ST6GAL1: variants seen among roughly 807,000 people sequenced by gnomAD.
ST6GAL1 encodes the protein ST6 beta-galactoside alpha-2,6-sialyltransferase 1.
Under a neutral mutation model 38.0 loss-of-function variants are expected in ST6GAL1, and 20 were observed. The ratio of observed to expected loss-of-function variants is 0.53; its 90% confidence interval spans 0.37 to 0.77. ST6GAL1 has a LOEUF of 0.77. ST6GAL1 is among the 30% of genes least tolerant of loss of function. The pLI is 0.00. For missense variants in ST6GAL1, 432 were observed against 496.4 expected (o/e 0.87, Z 1.23); for synonymous variants, 196 against 188.2 (o/e 1.04, Z -0.34).
chr3:187,058,160 G>A (rs257102), intron 5 of ST6GAL1, among the ~76,000 whole-genome samples: 122,567 of 152,134 alleles, frequency 0.81, 49,514 homozygotes, highest in East Asian at 0.85. Context: ...AAAGCGCAGT[G>A]TTTGGGCGGG....
intron 2 of ST6GAL1, among the ~76,000 whole-genome samples, chr3:187,031,355 GTT>G (rs1717743985): frequency 1.3e-5 from 2 of 152,148 alleles, no homozygotes; most frequent in Admixed American, 1.3e-4. Flanking sequence ...CCCTGTCTCA[GTT>G]TCCCTGTTTG....
chr3:186,975,610 T>A (rs1391273544), intron 2 of ST6GAL1, among the ~76,000 whole-genome samples: 1 of 152,226 alleles, frequency 6.6e-6, no homozygotes. Context: ...TTCCATGGCC[T>A]CTTTGTACTC....
At position 187,066,607 on chromosome 3, in the gene ST6GAL1, T is replaced by C. The variant is rs947994459; in HGVS notation, c.706-6242T>C. On this transcript the variant is annotated intron_variant, in intron 5 of 7. Coordinates refer to ENST00000169298, the MANE Select transcript of ST6GAL1 (RefSeq NM_173216.2). ...CTGAAGATGTGCGTGCGTGCGTGTG[T>C]GTGTGTGTGTGTGTGTGTGTGTGTT... Among the ~76,000 whole-genome samples, 259 of 146,374 alleles carry C rather than the reference T, an allele frequency of 1.8e-3. 2 individuals carry two copies. The highest frequency in any genetic ancestry group is 6.5e-3 in the African/African-American group (242 of 37,322).
chr3:187,075,825 C>T lies in ST6GAL1; in HGVS notation c.*22C>T. Reference sequence around the variant, plus strand: ...CTAAGCACAGGCTCCTCACTCTTCTCCATCAGGCATTAAATGAATGGTCTC... The same window carrying T: ...CTAAGCACAGGCTCCTCACTCTTCTTCATCAGGCATTAAATGAATGGTCTC... On this transcript the variant is annotated 3_prime_UTR_variant, in exon 8 of 8. Transcript: ENST00000169298. This position sits in a 1 kb window ranked among gnomAD's most constrained non-coding sequence, Gnocchi z 4.1. 2 of 1,612,128 alleles carry T rather than the reference C, an allele frequency of 1.2e-6. No individual in the cohort carries two copies. Among genetic ancestry groups the T allele is most frequent in the Non-Finnish European group, 1.7e-6 (2 of 1,178,454 alleles).
chr3:186,962,314 C>G (rs1040908920), intron 1 of ST6GAL1, among the ~76,000 whole-genome samples: 4 of 152,208 alleles, frequency 2.6e-5, no homozygotes, highest in African/African-American at 9.6e-5. Flanking sequence ...ACGGGTTTCT[C>G]TTTCTCTCCT....
At chr3:187,038,524 C>T (rs1718017981) in intron 2 of ST6GAL1, 1 of 152,270 alleles carries the variant, frequency 6.6e-6, no homozygotes, top group East Asian at 1.9e-4. Flanking sequence ...AGTGTCAAGT[C>T]TATTTCTAGG....
chr3:186,970,381 A>ATT (rs34837598), intron 2 of ST6GAL1, among the ~76,000 whole-genome samples: 1 of 141,792 alleles, frequency 7.1e-6, no homozygotes. Context: ...CGCCCGGCAA[A>ATT]TTTTTTTTTT....
At chr3:187,045,553 T>TGTGAGGTTTCAGG (rs1375089048) in intron 4 of ST6GAL1, among the ~76,000 whole-genome samples, 2 of 152,206 alleles carry the variant, frequency 1.3e-5, no homozygotes, top group African/African-American at 4.8e-5. Flanking sequence ...CTTTTCATCC[T>TGTGAGGTTTCAGG]CCCAGAAGTC....
At chr3:187,012,957 A>C (rs970279497) in intron 2 of ST6GAL1, among the ~76,000 whole-genome samples, 3 of 152,156 alleles carry the variant, frequency 2.0e-5, no homozygotes, top group Non-Finnish European at 4.4e-5. Context: ...AATGAAAGCA[A>C]ATCTTCTCCA....
At chr3:187,068,170 A>G (rs986309483) in intron 5 of ST6GAL1, among the ~76,000 whole-genome samples, 1 of 151,980 alleles carries the variant, frequency 6.6e-6, no homozygotes, top group African/African-American at 2.4e-5. Flanking sequence ...GTGAAACCCC[A>G]TCTCTACTAA....
chr3:187,033,133 G>T (rs1310874844), intron 2 of ST6GAL1, among the ~76,000 whole-genome samples: 1 of 152,214 alleles, frequency 6.6e-6, no homozygotes, highest in East Asian at 1.9e-4. Context: ...AAGGAAGTTG[G>T]CTAGGCGTGG....
At chr3:187,073,760 A>C (rs910426943) in intron 6 of ST6GAL1, 5 of 158,410 alleles carry the variant, frequency 3.2e-5, no homozygotes, top group Non-Finnish European at 5.5e-5. Context: ...TTAGAACTCA[A>C]ATTTGCCTAG....
At chr3:187,029,088 T>TAAA (rs56166685) in intron 2 of ST6GAL1, among the ~76,000 whole-genome samples, 1 of 105,968 alleles carries the variant, frequency 9.4e-6, no homozygotes, top group Admixed American at 1.2e-4. Flanking sequence ...ACCTTGTCTC[T>TAAA]AAAAAAAAAA....
chr3:186,984,845 C>T (rs56317168), intron 2 of ST6GAL1, among the ~76,000 whole-genome samples: 25,126 of 78,788 alleles, frequency 0.32, 4,446 homozygotes, highest in Non-Finnish European at 0.36. Context: ...CCCTCCCTCC[C>T]TCCTTCCTTC....
In ST6GAL1 at chr3:186,931,695, G is replaced by C. The variant is rs139903530; in HGVS notation, c.-325+861G>C. ...TCCTCAGCCTGCGGGAAGAATGTAC[G>C]AGTCGCCCAGTGCGGTCTTGCTCTT... On this transcript the variant is annotated intron_variant, in intron 1 of 7. Coordinates refer to ENST00000169298, the MANE Select transcript of ST6GAL1 (RefSeq NM_173216.2). Among the ~76,000 whole-genome samples, 657 of 152,322 alleles carry C rather than the reference G, an allele frequency of 4.3e-3. 3 individuals are homozygous for C. Among genetic ancestry groups the C allele is most frequent in the African/African-American group, 0.015 (633 of 41,570 alleles).
chr3:186,940,543 C>A (rs367831934), intron 1 of ST6GAL1, among the ~76,000 whole-genome samples: 1 of 152,224 alleles, frequency 6.6e-6, no homozygotes, highest in Middle Eastern at 3.2e-3. Flanking sequence ...GCTTTGAATG[C>A]GGCCCAACAC....
At chr3:186,960,689 T>A (rs1176598057) in intron 1 of ST6GAL1, among the ~76,000 whole-genome samples, 1 of 151,984 alleles carries the variant, frequency 6.6e-6, no homozygotes, top group Non-Finnish European at 1.5e-5. Flanking sequence ...GAATTTAAGA[T>A]AGAAGAGTCA....
intron 2 of ST6GAL1, among the ~76,000 whole-genome samples, chr3:186,974,746 C>A (rs1196691051): frequency 6.7e-6 from 1 of 150,026 alleles, no homozygotes; most frequent in Non-Finnish European, 1.5e-5. Flanking sequence ...GCGCCCACAG[C>A]AGGGTTGGGT....
intron 2 of ST6GAL1, among the ~76,000 whole-genome samples, chr3:187,003,747 G>A (rs1716695096): frequency 6.6e-6 from 1 of 152,210 alleles, no homozygotes; most frequent in Non-Finnish European, 1.5e-5. Flanking sequence ...CCGTCAGACA[G>A]CAGTGAAGTT....
Sources: gnomAD v4.1 joint callset for allele counts (sites outside exome capture counted in the v4.1 genomes callset) on GRCh38, gnomAD v4.1.1 for gene constraint, Gnocchi (gnomAD v3.1) non-coding constraint, MANE v1.5 for transcripts, NCBI Gene and HGNC (gene_info 2026-07-23, HGNC 2026-07-21) for gene names.